Variants in GNAQ observed in about 807,000 individuals in gnomAD.
GNAQ encodes the protein G protein subunit alpha q.
A neutral mutation model predicts 43.9 loss-of-function variants in GNAQ; 8 were observed. The ratio of observed to expected loss-of-function variants is 0.18; its 90% CI spans 0.11 to 0.33. The LOEUF is 0.33. Ranked by LOEUF, GNAQ falls within the 10% of genes least tolerant of loss-of-function variation. The pLI is 1.00. For missense variants in GNAQ, 158 were observed against 450.8 expected (o/e 0.35, Z 5.88); for synonymous variants, 155 against 170.7 (o/e 0.91, Z 0.71).
In GNAQ at chr9:77,874,257, G is replaced by T. The variant is rs915808205; in HGVS notation, c.321+47904C>A. ...CTTATTAGGCTTGGGCTTCCCTTGGGTAAGTCCATAAAAAAGGTAAAACGA... is the reference window on the plus strand; with the variant it reads ...CTTATTAGGCTTGGGCTTCCCTTGGTTAAGTCCATAAAAAAGGTAAAACGA... On this transcript the variant is annotated intron_variant, in intron 2 of 6. Coordinates refer to ENST00000286548, the MANE Select transcript of GNAQ (RefSeq NM_002072.5). 4.6e-5 allele frequency among the ~76,000 whole-genome samples: 7 copies of T among 152,094 alleles called. No individual in the cohort carries two copies. The South Asian group carries it at 6.2e-4, about 13-fold the overall frequency.
chr9:77,931,149 A>G lies in GNAQ; in HGVS notation c.137-8804T>C, dbSNP rs1027710651. Among the ~76,000 whole-genome samples, 11 of 149,222 alleles carry G rather than the reference A, an allele frequency of 7.4e-5. No homozygotes were observed. In the East Asian group the frequency reaches 2.0e-3, roughly 28 times the overall value. On this transcript the variant is annotated intron_variant, in intron 1 of 6. Transcript: ENST00000286548. ...AAAATGGGAAGAGGGAACAGAATGAATGTCATTGAGATGCTTGTAGGACAG... is the reference window on the plus strand; with the variant it reads ...AAAATGGGAAGAGGGAACAGAATGAGTGTCATTGAGATGCTTGTAGGACAG...
At chr9:77,768,297 C>G (rs981011590) in intron 5 of GNAQ, among the ~76,000 whole-genome samples, 1 of 152,186 alleles carries the variant, frequency 6.6e-6, no homozygotes, top group African/African-American at 2.4e-5. Context: ...ACTCTAATCT[C>G]TTTGGGCCTC....
chr9:77,735,518 A>C (rs1825563858), intron 5 of GNAQ, among the ~76,000 whole-genome samples: 1 of 152,200 alleles, frequency 6.6e-6, no homozygotes, highest in Non-Finnish European at 1.5e-5. Context: ...AAAAATTTGC[A>C]AGCCTAGTCT....
chr9:77,960,577 G>A (rs540144886), intron 1 of GNAQ, among the ~76,000 whole-genome samples: 4 of 152,148 alleles, frequency 2.6e-5, no homozygotes, highest in African/African-American at 7.2e-5. Context: ...AAGGCATGCC[G>A]CAGGGAGTCA....
At chr9:78,011,893 T>A (rs12351098) in intron 1 of GNAQ, among the ~76,000 whole-genome samples, 2,428 of 152,222 alleles carry the variant, frequency 0.016, 64 homozygotes, top group African/African-American at 0.054. Flanking sequence ...TTAAAAAAAA[T>A]TCAATGATAA....
Position 77,866,424 on chromosome 9 carries a change from C to T in GNAQ, c.322-50654G>A, listed in dbSNP as rs560110654. On this transcript the variant is annotated intron_variant, in intron 2 of 6. Transcript: ENST00000286548. ...CCCAGGAGGCGGAGGTTGCAGTAAG[C>T]TGAGTACTGTCTCAAAAAATAAATA... Among the ~76,000 whole-genome samples the T allele has an allele frequency of 3.5e-4, 53 of 152,198 alleles. 1 individual carries two copies. The highest frequency in any genetic ancestry group is 1.2e-3 in the African/African-American group (50 of 41,506).
At chr9:77,998,258 G>C (rs554506705) in intron 1 of GNAQ, among the ~76,000 whole-genome samples, 29 of 152,322 alleles carry the variant, frequency 1.9e-4, no homozygotes, top group African/African-American at 5.5e-4. Flanking sequence ...AGGAGAGATA[G>C]GGCAACGGCA....
In GNAQ at chr9:77,797,620, C is replaced by G. The variant is rs2118456342; in HGVS notation, c.505G>C (p.Asp169His). The G allele has an allele frequency of 6.2e-7, 1 of 1,613,652 alleles. No individual in the cohort carries two copies. The highest frequency in any genetic ancestry group is 8.5e-7 in the Non-Finnish European group (1 of 1,179,706). Reference protein sequence around the residue: ...YYLNDLDRVADPAYLPTQQDV... With the variant: ...YYLNDLDRVAHPAYLPTQQDV... ...TGTTGCGTAGGCAGGTAGGCAGGGTCAGCTACGCGGTCCAAGTCATTAAGA... is the reference window on the plus strand; with the variant it reads ...TGTTGCGTAGGCAGGTAGGCAGGGTGAGCTACGCGGTCCAAGTCATTAAGA... Residue 169 changes from aspartate to histidine, a missense_variant, in exon 4 of 7, where the codon GAC (aspartate) becomes CAC (histidine). Transcript: ENST00000286548.
At position 77,878,225 on chromosome 9, in the gene GNAQ, G is replaced by GTT. The variant is rs373943232; in HGVS notation, c.321+43934_321+43935dup. Among the ~76,000 whole-genome samples, 1,197 of 126,232 alleles carry GTT rather than the reference G, an allele frequency of 9.5e-3. 26 individuals are homozygous for GTT. Among genetic ancestry groups the GTT allele is most frequent in the African/African-American group, 0.03 (1,075 of 35,684 alleles). 82.8% of individuals were successfully genotyped at this position (126,232 alleles called of 152,430 possible). On this transcript the variant is annotated intron_variant, in intron 2 of 6. Transcript: ENST00000286548. ...CAAAAAAGTGGAAGAGGTATTTGGT[G>GTT]TTTTTTTTTTTTTTTTTGAAACCCT...
chr9:77,778,027 T>C (rs572245639), intron 5 of GNAQ, among the ~76,000 whole-genome samples: 137 of 151,992 alleles, frequency 9.0e-4, no homozygotes, highest in African/African-American at 3.2e-3. Context: ...ACAGAAAAAA[T>C]TGTACATGAA....
chr9:77,722,487 C>G (rs7039088), intron 6 of GNAQ, among the ~76,000 whole-genome samples: 95,807 of 151,776 alleles, frequency 0.63, 31,240 homozygotes, highest in Non-Finnish European at 0.72. Flanking sequence ...ACCAAGAATT[C>G]TCCTAGATGC....
intron 1 of GNAQ, among the ~76,000 whole-genome samples, chr9:78,016,018 T>C (rs898322516): frequency 6.6e-6 from 1 of 152,076 alleles, no homozygotes; most frequent in Non-Finnish European, 1.5e-5. Flanking sequence ...GAATACGTTT[T>C]TTTCAACAAA....
At chr9:77,857,777 T>C (rs935493323) in intron 2 of GNAQ, among the ~76,000 whole-genome samples, 27 of 148,646 alleles carry the variant, frequency 1.8e-4, no homozygotes, top group African/African-American at 6.1e-4. Context: ...GGAAGACTTT[T>C]ATACTCTTTT....
chr9:77,827,957 G>A (rs1050821960), intron 2 of GNAQ, among the ~76,000 whole-genome samples: 1 of 149,912 alleles, frequency 6.7e-6, no homozygotes, highest in Admixed American at 6.7e-5. Context: ...CTACTTGGGA[G>A]GCTGAGGCAG....
At chr9:78,026,158 G>A (rs1823977209) in intron 1 of GNAQ, among the ~76,000 whole-genome samples, 1 of 152,096 alleles carries the variant, frequency 6.6e-6, no homozygotes, top group African/African-American at 2.4e-5. Flanking sequence ...ACTTACTTTA[G>A]AATATGTGAA....
intron 2 of GNAQ, among the ~76,000 whole-genome samples, chr9:77,848,743 G>A (rs1827624945): frequency 1.3e-5 from 2 of 152,228 alleles, no homozygotes; most frequent in African/African-American, 2.4e-5. Context: ...CGCATCATAA[G>A]TCTCACTGTG....
intron 2 of GNAQ, among the ~76,000 whole-genome samples, chr9:77,894,863 T>C (rs953003419): frequency 6.6e-6 from 1 of 152,000 alleles, no homozygotes; most frequent in Non-Finnish European, 1.5e-5. Context: ...TACCTCAATA[T>C]AATATTTTCT....
At chr9:77,922,728 G>A (rs1474780327) in intron 1 of GNAQ, among the ~76,000 whole-genome samples, 2 of 152,166 alleles carry the variant, frequency 1.3e-5, no homozygotes, top group Non-Finnish European at 2.9e-5. Flanking sequence ...AGGACACTGG[G>A]TTGATTAGCC....
chr9:77,882,374 C>A (rs1828227818), intron 2 of GNAQ, among the ~76,000 whole-genome samples: 2 of 152,046 alleles, frequency 1.3e-5, no homozygotes, highest in Non-Finnish European at 2.9e-5. Context: ...AAAAATAAGC[C>A]ATCTGGACGG....
Sources: allele counts gnomAD v4.1 joint callset (sites outside exome capture counted in the v4.1 genomes callset), GRCh38; gene constraint gnomAD v4.1.1; transcripts MANE v1.5; gene names NCBI Gene and HGNC (gene_info 2026-07-23, HGNC 2026-07-21).